ARHGAP24: variants seen among roughly 807,000 people sequenced by gnomAD.
ARHGAP24 encodes the protein rho GTPase-activating protein 24.
ARHGAP24 carries 50 observed loss-of-function variants against 76.4 expected under a neutral mutation model. The observed-to-expected ratio is 0.65, with a 90% CI of 0.52 to 0.83. The LOEUF is 0.83. Ranked by LOEUF, ARHGAP24 falls within the 40% of genes least tolerant of loss-of-function variation. The pLI is 0.00. For missense variants in ARHGAP24, 930 were observed against 914.2 expected (o/e 1.02, Z -0.22); for synonymous variants, 345 against 323.3 (o/e 1.07, Z -0.72).
intron 2 of ARHGAP24, among the ~76,000 whole-genome samples, chr4:85,685,018 A>C (rs1196295112): frequency 6.6e-6 from 1 of 152,152 alleles, no homozygotes. Context: ...TTTTCTGGAG[A>C]AACTAGGAAT....
chr4:85,750,567 C>G (rs955209986), intron 3 of ARHGAP24, among the ~76,000 whole-genome samples: 1 of 133,512 alleles, frequency 7.5e-6, no homozygotes, highest in Non-Finnish European at 1.5e-5. Context: ...ACAATCTCAG[C>G]TCACTGCAAC....
intron 3 of ARHGAP24, among the ~76,000 whole-genome samples, chr4:85,884,983 C>T (rs747851269): frequency 6.6e-6 from 1 of 152,000 alleles, no homozygotes; most frequent in Non-Finnish European, 1.5e-5. Context: ...TGATGTAGGT[C>T]TTTTATGTCT....
intron 3 of ARHGAP24, among the ~76,000 whole-genome samples, chr4:85,913,599 C>T (rs983422838): frequency 2.6e-5 from 4 of 152,034 alleles, no homozygotes; most frequent in African/African-American, 4.8e-5. Flanking sequence ...AGACCTCTCC[C>T]GTAAACTCCA....
intron 1 of ARHGAP24, among the ~76,000 whole-genome samples, chr4:85,568,320 G>T (rs1048172001): frequency 1.6e-4 from 25 of 151,536 alleles, no homozygotes; most frequent in South Asian, 8.4e-4. Context: ...CGGGGGGGAG[G>T]GGGGCGTGTG....
chr4:85,888,129 G>A (rs1440111703), intron 3 of ARHGAP24, among the ~76,000 whole-genome samples: 3 of 152,142 alleles, frequency 2.0e-5, no homozygotes, highest in African/African-American at 7.2e-5. Flanking sequence ...TGTGCTGGGC[G>A]TGGTGGCTTA....
Position 85,755,626 on chromosome 4 carries a change from G to GTTTTTTTTTTTTTTTTTTTTTTTTTTTTT in ARHGAP24, c.268+33658_268+33659insTTTTTTTTTTTTTTTTTTTTTTTTTTTTT, listed in dbSNP as rs111410344. Among the ~76,000 whole-genome samples, 5 of 117,370 alleles carry GTTTTTTTTTTTTTTTTTTTTTTTTTTTTT rather than the reference G, an allele frequency of 4.3e-5. 1 individual carries two copies. Among genetic ancestry groups the GTTTTTTTTTTTTTTTTTTTTTTTTTTTTT allele is most frequent in the South Asian group, 2.9e-4 (1 of 3,442 alleles). 77.0% of individuals were successfully genotyped at this position (117,370 alleles called of 152,430 possible). A position where few individuals can be genotyped will look rare whatever the true frequency, so the allele number is the denominator to read the frequency against. On this transcript the variant is annotated intron_variant, in intron 3 of 9. Coordinates refer to ENST00000395184, the MANE Select transcript of ARHGAP24 (RefSeq NM_001025616.3). ...TTCTATGGGAAGCTTCTATTCTTTT[G>GTTTTTTTTTTTTTTTTTTTTTTTTTTTTT]TTTTGTTTTGTTTTGTTTTGTTTTG...
intron 2 of ARHGAP24, among the ~76,000 whole-genome samples, chr4:85,610,584 T>C (rs1720350552): frequency 6.6e-6 from 1 of 151,292 alleles, no homozygotes; most frequent in African/African-American, 2.4e-5. Context: ...TGGGTGAAGC[T>C]GAGTTGAAAC....
chr4:85,762,075 T>A (rs1726755072), intron 3 of ARHGAP24, among the ~76,000 whole-genome samples: 1 of 152,164 alleles, frequency 6.6e-6, no homozygotes, highest in Admixed American at 6.5e-5. Flanking sequence ...TATAAATACA[T>A]CCCATCAGTG....
chr4:85,501,676 G>C (rs998797883), intron 1 of ARHGAP24, among the ~76,000 whole-genome samples: 3 of 152,152 alleles, frequency 2.0e-5, no homozygotes, highest in African/African-American at 7.2e-5. Flanking sequence ...TAGGTTGCCT[G>C]TTCACTCTGA....
Position 85,942,050 on chromosome 4 carries a change from A to AT in ARHGAP24, c.392-15dup. The AT allele has an allele frequency of 6.3e-7, 1 of 1,590,524 alleles. No homozygotes were observed. Among genetic ancestry groups the AT allele is most frequent in the Non-Finnish European group, 8.5e-7 (1 of 1,170,764 alleles). The stretch of plus-strand genomic sequence containing the variant: ...AGATAAATTTCCCAAGTTTACTGTG[A>AT]TCCTTTTTTTTTAAGGCATTTTTGG... On this transcript the variant is annotated splice_polypyrimidine_tract_variant and intron_variant, in intron 4 of 9. Transcript: ENST00000395184.
At chr4:85,584,832 A>G (rs1462445460) in intron 2 of ARHGAP24, among the ~76,000 whole-genome samples, 5 of 152,142 alleles carry the variant, frequency 3.3e-5, no homozygotes, top group African/African-American at 9.7e-5. Context: ...TCCCTGCTGA[A>G]GAACCCTATC....
At chr4:85,626,859 T>C (rs979881743) in intron 2 of ARHGAP24, among the ~76,000 whole-genome samples, 11 of 152,248 alleles carry the variant, frequency 7.2e-5, no homozygotes, top group African/African-American at 2.4e-4. Flanking sequence ...TTCTTCTAGT[T>C]GATCGCATCG....
At position 86,000,424 on chromosome 4, in the gene ARHGAP24, C is replaced by T. The variant is rs1740939981; in HGVS notation, c.2004-55C>T. Reference sequence around the variant, plus strand: ...CTTGCATTTCAAGTGAATAAAATCACTTTATCTCTTACTCTTGCGTCCCCA... The same window carrying T: ...CTTGCATTTCAAGTGAATAAAATCATTTTATCTCTTACTCTTGCGTCCCCA... On this transcript the variant is annotated intron_variant, in intron 9 of 9. Transcript: ENST00000395184. 3.6e-5 allele frequency: 41 copies of T among 1,140,578 alleles called. 2 individuals are homozygous for T. The South Asian group carries it at 4.5e-4, about 12-fold the overall frequency. 70.7% of individuals were successfully genotyped at this position (1,140,578 alleles called of 1,614,324 possible).
intron 2 of ARHGAP24, among the ~76,000 whole-genome samples, chr4:85,719,249 G>A (rs547897137): frequency 6.6e-6 from 1 of 152,166 alleles, no homozygotes; most frequent in African/African-American, 2.4e-5. Context: ...TACTTCAAAG[G>A]TAGGGAAACA....
intron 3 of ARHGAP24, among the ~76,000 whole-genome samples, chr4:85,784,601 C>G (rs1727720623): frequency 6.6e-6 from 1 of 151,980 alleles, no homozygotes; most frequent in African/African-American, 2.4e-5. Flanking sequence ...CAACCTCAGA[C>G]AGTTGCCCTG....
chr4:85,740,607 T>A (rs1725787332), intron 3 of ARHGAP24, among the ~76,000 whole-genome samples: 1 of 152,210 alleles, frequency 6.6e-6, no homozygotes, highest in Non-Finnish European at 1.5e-5. Flanking sequence ...TTATTTACTG[T>A]CATATACTGT....
Position 85,895,001 on chromosome 4 carries a change from C to CAAAAA in ARHGAP24, c.269-28631_269-28627dup, listed in dbSNP as rs1222078793. 5.2e-4 allele frequency among the ~76,000 whole-genome samples: 28 copies of CAAAAA among 54,312 alleles called. No homozygotes were observed. In the East Asian group the frequency reaches 5.5e-3, roughly 11 times the overall value. The allele number at this position is 54,312 out of a possible 152,430, so 35.6% of individuals were successfully genotyped here. ...AAAAAAAAAAAAACAAAACAAAAAGCAAAAAAAAAAAAAAAAAAAAGAAAA... is the reference window on the plus strand; with the variant it reads ...AAAAAAAAAAAAACAAAACAAAAAGCAAAAAAAAAAAAAAAAAAAAAAAAAGAAAA... On this transcript the variant is annotated intron_variant, in intron 3 of 9. Coordinates refer to ENST00000395184, the MANE Select transcript of ARHGAP24 (RefSeq NM_001025616.3).
intron 3 of ARHGAP24, among the ~76,000 whole-genome samples, chr4:85,884,329 T>A (rs1733434591): frequency 1.3e-5 from 2 of 152,190 alleles, no homozygotes; most frequent in African/African-American, 4.8e-5. Flanking sequence ...ACTTTTTGCC[T>A]TCTTTGACTT....
intron 2 of ARHGAP24, among the ~76,000 whole-genome samples, chr4:85,672,226 C>G (rs907707355): frequency 2.0e-5 from 3 of 152,140 alleles, no homozygotes; most frequent in Non-Finnish European, 4.4e-5. Context: ...TTGGAATGAA[C>G]TAGGGAGAGG....
Sources: allele counts gnomAD v4.1 joint callset (sites outside exome capture counted in the v4.1 genomes callset), GRCh38; gene constraint gnomAD v4.1.1; transcripts MANE v1.5; gene names NCBI Gene and HGNC (gene_info 2026-07-23, HGNC 2026-07-21).